The following KCNMA1 variants were observed in gnomAD, a reference collection of about 807,000 sequenced individuals.
The protein encoded by KCNMA1 is potassium calcium-activated channel subfamily M alpha 1, also known as Calcium-activated potassium channel subunit alpha-1.
KCNMA1 carries 29 observed loss-of-function variants against 140.0 expected under a neutral mutation model. The ratio of observed to expected loss-of-function variants is 0.21; its 90% CI spans 0.15 to 0.28. KCNMA1 has a LOEUF of 0.28. KCNMA1 is among the 10% of genes least tolerant of loss of function. KCNMA1 has a pLI of 1.00. For synonymous variants in KCNMA1, 612 were observed against 611.9 expected (o/e 1.00, Z 0.00); for missense variants, 880 against 1,602.2 (o/e 0.55, Z 7.70).
chr10:76,981,165 A>T (rs1357061844), intron 19 of KCNMA1, among the ~76,000 whole-genome samples: 1 of 151,582 alleles, frequency 6.6e-6, no homozygotes, highest in East Asian at 1.9e-4. Context: ...ATGGGTCCAT[A>T]CTCTCTCTCC....
At chr10:77,467,617 C>G (rs1480199621) in intron 1 of KCNMA1, among the ~76,000 whole-genome samples, 3 of 152,228 alleles carry the variant, frequency 2.0e-5, no homozygotes, top group Non-Finnish European at 4.4e-5. Flanking sequence ...CCTGCATTTG[C>G]CCCTAGGGAA....
intron 5 of KCNMA1, among the ~76,000 whole-genome samples, chr10:77,130,835 A>G (rs994225625): frequency 1.2e-4 from 18 of 152,150 alleles, no homozygotes; most frequent in Admixed American, 1.1e-3. Context: ...ATATACATAT[A>G]TTTTCCATGT....
chr10:77,241,823 A>G (rs934039976), intron 3 of KCNMA1, among the ~76,000 whole-genome samples: 1 of 152,196 alleles, frequency 6.6e-6, no homozygotes, highest in African/African-American at 2.4e-5. Context: ...TAAAAATAAT[A>G]GTAATAATAA....
At chr10:76,927,882 A>G (rs1372903331) in intron 23 of KCNMA1, among the ~76,000 whole-genome samples, 10 of 152,198 alleles carry the variant, frequency 6.6e-5, no homozygotes, top group Non-Finnish European at 4.4e-5. Context: ...TAAAGAAGAA[A>G]GCCTTTATAT....
intron 25 of KCNMA1, chr10:76,904,287 T>C (rs2046852617): frequency 6.6e-6 from 1 of 152,212 alleles, no homozygotes. Flanking sequence ...TCTGAAAATA[T>C]GAATGCACTG....
intron 1 of KCNMA1, among the ~76,000 whole-genome samples, chr10:77,416,760 A>G (rs2096750500): frequency 6.6e-6 from 1 of 152,132 alleles, no homozygotes; most frequent in South Asian, 2.1e-4. Context: ...TGCCCACTCC[A>G]CATCCTCAAA....
chr10:77,543,088 G>T (rs536799497), intron 1 of KCNMA1, among the ~76,000 whole-genome samples: 3 of 151,606 alleles, frequency 2.0e-5, no homozygotes, highest in Non-Finnish European at 4.4e-5. Context: ...AGAAACACAG[G>T]TTCCAGGGCT....
At chr10:77,346,836 T>C (rs902383342) in intron 2 of KCNMA1, among the ~76,000 whole-genome samples, 2 of 152,174 alleles carry the variant, frequency 1.3e-5, no homozygotes, top group Admixed American at 6.5e-5. Flanking sequence ...ATTCTTCTGG[T>C]TCAAGAACAT....
chr10:77,558,729 C>A (rs1455532835), intron 1 of KCNMA1, among the ~76,000 whole-genome samples: 3 of 152,116 alleles, frequency 2.0e-5, no homozygotes, highest in Non-Finnish European at 4.4e-5. Context: ...TGAAGAGAAG[C>A]CTACACAGCA....
intron 5 of KCNMA1, among the ~76,000 whole-genome samples, chr10:77,163,923 G>A (rs545219057): frequency 2.0e-5 from 3 of 152,162 alleles, no homozygotes; most frequent in East Asian, 1.9e-4. Flanking sequence ...CCTGACACAC[G>A]GGAGACACTC....
At chr10:77,287,109 T>C (rs2071268896) in intron 2 of KCNMA1, among the ~76,000 whole-genome samples, 1 of 152,146 alleles carries the variant, frequency 6.6e-6, no homozygotes, top group African/African-American at 2.4e-5. Context: ...GCTCAGCAAA[T>C]CCAAACTCAT....
chr10:77,382,984 G>GTATA (rs2095467214), intron 2 of KCNMA1, among the ~76,000 whole-genome samples: 1 of 89,598 alleles, frequency 1.1e-5, no homozygotes, highest in African/African-American at 7.4e-5. Context: ...GTGTGTGTGT[G>GTATA]TGTGTGTGTG....
chr10:76,945,515 G>T (rs948766825), intron 22 of KCNMA1, among the ~76,000 whole-genome samples: 2 of 152,096 alleles, frequency 1.3e-5, no homozygotes, highest in Non-Finnish European at 2.9e-5. Context: ...GGATGGAGTG[G>T]AATTAATGTG....
intron 1 of KCNMA1, among the ~76,000 whole-genome samples, chr10:77,480,681 C>A (rs372952852): frequency 3.5e-4 from 53 of 152,288 alleles, no homozygotes; most frequent in Non-Finnish European, 7.1e-4. Context: ...CTGTTACAGG[C>A]GCCTCCAAGA....
At chr10:76,943,794 G>T (rs1285782560) in intron 23 of KCNMA1, among the ~76,000 whole-genome samples, 1 of 152,210 alleles carries the variant, frequency 6.6e-6, no homozygotes, top group Admixed American at 6.5e-5. Flanking sequence ...CACAGGTCCA[G>T]GATGCATGAT....
chr10:77,383,936 C>T (rs922995858), intron 2 of KCNMA1, among the ~76,000 whole-genome samples: 5 of 152,192 alleles, frequency 3.3e-5, no homozygotes, highest in Non-Finnish European at 7.3e-5. Flanking sequence ...GTTTCTCAGG[C>T]TTGTGCGTGC....
intron 1 of KCNMA1, among the ~76,000 whole-genome samples, chr10:77,590,550 T>G (rs1168455008): frequency 6.6e-6 from 1 of 152,192 alleles, no homozygotes; most frequent in Non-Finnish European, 1.5e-5. Context: ...TGGCAGCCCC[T>G]GTTCCCGCCC....
At chr10:77,474,131 CA>C (rs1208971028) in intron 1 of KCNMA1, among the ~76,000 whole-genome samples, 2 of 152,172 alleles carry the variant, frequency 1.3e-5, no homozygotes, top group Non-Finnish European at 2.9e-5. Flanking sequence ...AACAGGAAGA[CA>C]GGGGTGAAAA....
intron 2 of KCNMA1, among the ~76,000 whole-genome samples, chr10:77,266,903 C>T (rs1431263074): frequency 2.6e-5 from 4 of 152,150 alleles, no homozygotes; most frequent in African/African-American, 4.8e-5. Flanking sequence ...TGTGCTAAGC[C>T]TGAATATGCA....
Sources: allele counts gnomAD v4.1 joint callset (sites outside exome capture counted in the v4.1 genomes callset), GRCh38; gene constraint gnomAD v4.1.1; transcripts MANE v1.5; gene names NCBI Gene and HGNC (gene_info 2026-07-23, HGNC 2026-07-21).